CARMIL1: variants seen among roughly 807,000 people sequenced by gnomAD.
CARMIL1 encodes capping protein regulator and myosin 1 linker 1.
In CARMIL1, 90 loss-of-function variants were observed where a neutral mutation model predicts 177.1. That is an observed-to-expected ratio of 0.51 (90% CI 0.43 to 0.61). The LOEUF (loss-of-function observed/expected upper bound fraction) is 0.61, where lower values mean the gene tolerates loss of function less well. Among genes scored for constraint, CARMIL1 ranks in the 20% least tolerant of loss-of-function variants. The probability of loss-of-function intolerance (pLI) is 0.00; values close to 1 mark genes in which losing one functional copy is unlikely to be tolerated. For synonymous variants in CARMIL1, 577 were observed against 606.2 expected (o/e 0.95, Z 0.71); for missense variants, 1,380 against 1,667.0 (o/e 0.83, Z 3.00).
chr6:25,550,822 G>A (rs544010170), intron 26 of CARMIL1, 88 bp from the exon 27 acceptor site: 39 of 1,212,350 alleles, frequency 3.2e-5, no homozygotes, highest in East Asian at 2.6e-4. Context: ...TGAGGGCTCC[G>A]TGTCATATAT....
At position 25,576,500 on chromosome 6, in the gene CARMIL1, C is replaced by T. The variant is rs894169158; in HGVS notation, c.2743-4424C>T. On this transcript the variant is annotated intron_variant, in intron 29 of 36. Transcript: ENST00000329474. The stretch of plus-strand genomic sequence containing the variant: ...GTGATGTAAATGGCCCCAGAAGAGA[C>T]GCCTGTACATGCCTGCAGATACACT... Among the ~76,000 whole-genome samples, 8 of 152,132 alleles carry T rather than the reference C, an allele frequency of 5.3e-5. No individual in the cohort carries two copies. In the South Asian group the frequency reaches 6.2e-4, roughly 12 times the overall value.
At chr6:25,345,908 C>G (rs1361715009) in intron 2 of CARMIL1, among the ~76,000 whole-genome samples, 1 of 152,186 alleles carries the variant, frequency 6.6e-6, no homozygotes, top group Non-Finnish European at 1.5e-5. Context: ...TGAGCCACTG[C>G]GCCCAGTCTG....
rs76555796 is a variant in CARMIL1 at position 25,537,127 on chromosome 6, T to C, written c.2068-728T>C. Among the ~76,000 whole-genome samples the C allele has an allele frequency of 7.0e-3, 1,070 of 152,254 alleles. 11 individuals are homozygous for C. Among genetic ancestry groups the C allele is most frequent in the African/African-American group, 0.024 (983 of 41,550 alleles). ...TACCATAGAGATCCACCATCTCCCA[T>C]TGGGTTTTGTGTTTATATCCGTAAA... is the stretch of plus-strand genomic sequence containing the variant. On this transcript the variant is annotated intron_variant, in intron 24 of 36. Coordinates refer to ENST00000329474, the MANE Select transcript of CARMIL1 (RefSeq NM_017640.6).
chr6:25,380,819 G>A (rs1005837400), intron 2 of CARMIL1, among the ~76,000 whole-genome samples: 1 of 152,032 alleles, frequency 6.6e-6, no homozygotes, highest in Middle Eastern at 3.2e-3. Context: ...AGGAGCCACA[G>A]TCTAGACTGT....
chr6:25,299,833 C>T (rs1371598796), intron 2 of CARMIL1, among the ~76,000 whole-genome samples: 1 of 151,886 alleles, frequency 6.6e-6, no homozygotes, highest in African/African-American at 2.4e-5. Context: ...GAAAAATTAG[C>T]TGGGTGTGGT....
chr6:25,595,918 T>C (rs914903824), intron 32 of CARMIL1, among the ~76,000 whole-genome samples: 9 of 152,236 alleles, frequency 5.9e-5, no homozygotes, highest in Non-Finnish European at 1.3e-4. Context: ...CAGCCCATAA[T>C]ATATAGTCTG....
chr6:25,466,572 TG>T (rs1800615827), intron 9 of CARMIL1, among the ~76,000 whole-genome samples: 1 of 152,250 alleles, frequency 6.6e-6, no homozygotes. Flanking sequence ...ATTAACTCTC[TG>T]GTGTTTGTTA....
chr6:25,453,536 CAA>C (rs1799199291), intron 8 of CARMIL1, among the ~76,000 whole-genome samples: 1 of 152,198 alleles, frequency 6.6e-6, no homozygotes, highest in African/African-American at 2.4e-5. Flanking sequence ...TGTTTGTACT[CAA>C]GAGCTAAAAT....
intron 2 of CARMIL1, among the ~76,000 whole-genome samples, chr6:25,386,371 G>A (rs1792161035): frequency 6.6e-6 from 1 of 152,066 alleles, no homozygotes; most frequent in South Asian, 2.1e-4. Flanking sequence ...TCCTGCCTCA[G>A]CCTTCCAGGT....
At chr6:25,299,170 C>CTTTTT (rs565622591) in intron 2 of CARMIL1, among the ~76,000 whole-genome samples, 1 of 118,084 alleles carries the variant, frequency 8.5e-6, no homozygotes. Flanking sequence ...ATGCTGGATT[C>CTTTTT]TTTTTTTTTT....
At chr6:25,319,391 G>A (rs1025826059) in intron 2 of CARMIL1, among the ~76,000 whole-genome samples, 3 of 152,030 alleles carry the variant, frequency 2.0e-5, no homozygotes, top group African/African-American at 7.3e-5. Context: ...AGGTTTTGCT[G>A]TGTATTGTAG....
intron 29 of CARMIL1, among the ~76,000 whole-genome samples, chr6:25,570,987 C>T (rs141557167): frequency 1.6e-3 from 243 of 152,256 alleles, no homozygotes; most frequent in African/African-American, 5.7e-3. Context: ...TTTACACCAT[C>T]TCAGACTTTT....
chr6:25,312,018 C>G (rs1320374438), intron 2 of CARMIL1, among the ~76,000 whole-genome samples: 1 of 152,200 alleles, frequency 6.6e-6, no homozygotes, highest in East Asian at 1.9e-4. Flanking sequence ...GCAACGATTA[C>G]AACAAAAGGG....
In CARMIL1 at chr6:25,527,034, T is replaced by C. The variant is rs118136993; in HGVS notation, c.1969-1761T>C. Among the ~76,000 whole-genome samples the C allele has an allele frequency of 5.0e-3, 757 of 152,302 alleles. 25 individuals carry two copies. In the East Asian group the frequency reaches 0.085, roughly 17 times the overall value. On this transcript the variant is annotated intron_variant, in intron 23 of 36. Coordinates refer to ENST00000329474, the MANE Select transcript of CARMIL1 (RefSeq NM_017640.6). ...CAAGATTCCTTTACTAAAATACAGATTTTTTGTGTTTCGTTTTTGCTTCTT... is the reference window on the plus strand; with the variant it reads ...CAAGATTCCTTTACTAAAATACAGACTTTTTGTGTTTCGTTTTTGCTTCTT...
chr6:25,456,634 A>G (rs1416109307), intron 8 of CARMIL1, among the ~76,000 whole-genome samples: 1 of 152,144 alleles, frequency 6.6e-6, no homozygotes, highest in Non-Finnish European at 1.5e-5. Context: ...ATTTAATTAC[A>G]CTGTAATTTG....
In CARMIL1 at chr6:25,411,729, T is replaced by G. The variant is rs577632193; in HGVS notation, c.139-8385T>G. ...AAAATAAATGGATTTGCACAGGTGT[T>G]AGAGTACGTAGATTTCCTCTGAAAC... On this transcript the variant is annotated intron_variant, in intron 2 of 36. Coordinates refer to ENST00000329474, the MANE Select transcript of CARMIL1 (RefSeq NM_017640.6). 2.6e-5 allele frequency among the ~76,000 whole-genome samples: 4 copies of G among 152,350 alleles called. No individual in the cohort carries two copies. The South Asian group carries it at 8.3e-4, about 32-fold the overall frequency.
Position 25,471,189 on chromosome 6 carries a change from G to A in CARMIL1, c.711G>A (p.Gln237=), listed in dbSNP as rs1801069268. The change falls in exon 10 of 37, where the codon CAG becomes CAA. Residue 237 remains glutamine (Q), a synonymous_variant. Coordinates refer to ENST00000329474, the MANE Select transcript of CARMIL1 (RefSeq NM_017640.6). ...DLKLSTDVCE[Q]ILRVVSRSNR... is the part of the protein sequence containing the mutation. ...TACAGTCCACTGATGTCTGTGAACA[G>A]ATCTTGAGGGTGGTGAGTAGGTCCA... 1 of 1,612,904 alleles carries A rather than the reference G, an allele frequency of 6.2e-7. No homozygotes were observed.
intron 28 of CARMIL1, among the ~76,000 whole-genome samples, chr6:25,556,357 A>G (rs1810605803): frequency 6.6e-6 from 1 of 152,214 alleles, no homozygotes; most frequent in Admixed American, 6.5e-5. Flanking sequence ...AGTCCTTTAA[A>G]AATAATGAAA....
At chr6:25,576,647 C>T (rs926409809) in intron 29 of CARMIL1, among the ~76,000 whole-genome samples, 1 of 152,170 alleles carries the variant, frequency 6.6e-6, no homozygotes, top group Non-Finnish European at 1.5e-5. Context: ...GCCACCATCC[C>T]CCAAATGAGG....
Sources: allele counts gnomAD v4.1 joint callset (sites outside exome capture counted in the v4.1 genomes callset), GRCh38; gene constraint gnomAD v4.1.1; transcripts MANE v1.5; gene names NCBI Gene and HGNC (gene_info 2026-07-23, HGNC 2026-07-21).